The following MROH2B variants were observed in gnomAD, a reference collection of about 807,000 sequenced individuals.
MROH2B encodes the protein maestro heat like repeat family member 2B.
MROH2B carries 177 observed loss-of-function variants against 208.6 expected under a neutral mutation model. The ratio of observed to expected loss-of-function variants is 0.85; its 90% CI spans 0.75 to 0.96. MROH2B has a LOEUF of 0.96. Among genes scored for constraint, MROH2B ranks in the 40% least tolerant of loss-of-function variants. The pLI is 0.00. For synonymous variants in MROH2B, 728 were observed against 659.0 expected, an observed-to-expected ratio of 1.10 and a Z score of -1.60; for missense variants, 2,002 against 1,878.7, an observed-to-expected ratio of 1.07 and a Z score of -1.21.
At chr5:41,012,482 T>C in intron 30 of MROH2B, 101 bp downstream of exon 30, 10 of 1,308,680 alleles carry the variant, frequency 7.6e-6, no homozygotes, top group Non-Finnish European at 1.0e-5. Context: ...GTGCAAGCCT[T>C]TGCATGCTGC....
At chr5:41,012,873 C>A in intron 29 of MROH2B, 138 bp from the exon 30 acceptor site, 1 of 1,067,722 alleles carries the variant, frequency 9.4e-7, no homozygotes, top group Non-Finnish European at 1.3e-6. Context: ...GCCACAGAAA[C>A]TAGAGAAAAT....
intron 3 of MROH2B, among the ~76,000 whole-genome samples, chr5:41,066,215 A>G (rs2150183572): frequency 1.3e-5 from 2 of 152,336 alleles, no homozygotes; most frequent in East Asian, 3.9e-4. Context: ...TATTGGTGGT[A>G]TTGGGAAAGA....
intron 29 of MROH2B, 47 bp from the exon 30 acceptor site, chr5:41,012,782 A>G: frequency 1.2e-6 from 2 of 1,605,286 alleles, no homozygotes; most frequent in South Asian, 2.2e-5. Context: ...ACCCCATTTT[A>G]TATCTAGATA....
At chr5:41,060,262 G>A (rs958016479) in intron 6 of MROH2B, among the ~76,000 whole-genome samples, 1 of 152,034 alleles carries the variant, frequency 6.6e-6, no homozygotes, top group Non-Finnish European at 1.5e-5. Context: ...CTCCTAGCAG[G>A]TAGTCTTATC....
chr5:41,050,423 T>G (rs1293668796), intron 13 of MROH2B, among the ~76,000 whole-genome samples: 1 of 152,178 alleles, frequency 6.6e-6, no homozygotes, highest in East Asian at 1.9e-4. Flanking sequence ...GTAGGTCTGG[T>G]GTGTGACCTG....
In MROH2B at chr5:41,048,413, C is replaced by G; in HGVS notation, c.1595G>C (p.Gly532Ala). 6.2e-7 allele frequency: 1 copy of G among 1,613,570 alleles called. No homozygotes were observed. Among genetic ancestry groups the G allele is most frequent in the Non-Finnish European group, 8.5e-7 (1 of 1,179,696 alleles). ...TATCTCAGGCAGTATCTTCAAAAGC[C>G]CTATTGCACCAGCCCCACGTAACTC... ...LGELRGAGAI[G>A]LLKILPEIIH... The change falls in exon 16 of 42, where the codon GGG becomes GCG. Residue 532 changes from glycine to alanine, a missense_variant. Transcript: ENST00000399564.
rs201138878 is a variant in MROH2B, at chr5:41,032,806, C to A, written c.2377G>T (p.Glu793Ter). 175 of 1,612,030 alleles carry A rather than the reference C, an allele frequency of 1.1e-4. 1 individual carries two copies. The highest frequency in any genetic ancestry group is 1.5e-4 in the Non-Finnish European group (171 of 1,178,940). Residue 793 changes from glutamate (E) to a stop codon, truncating the protein, a stop_gained, in exon 24 of 42, where the codon GAG becomes TAG. Transcript: ENST00000399564. LOFTEE classifies it high-confidence loss of function. ...IGYMLDFIRDEPLDSLASPIR... is the reference protein window; with the variant it reads ...IGYMLDFIRD ...GGGCTAGCTAAGGAATCCAGGGGCT[C>A]GTCTCTAATGAAGTCCTGAAACATA...
At position 41,048,402 on chromosome 5, in the gene MROH2B, T is replaced by A. The variant is rs757894069; in HGVS notation, c.1606A>T (p.Ile536Leu). 9.3e-6 allele frequency: 15 copies of A among 1,613,724 alleles called. No homozygotes were observed. Among genetic ancestry groups the A allele is most frequent in the Non-Finnish European group, 1.3e-5 (15 of 1,179,740 alleles). ...TTTGGGTGAATTATCTCAGGCAGTA[T>A]CTTCAAAAGCCCTATTGCACCAGCC... The part of the protein sequence containing the change: ...RGAGAIGLLK[I>L]LPEIIHPKLV... Residue 536 changes from isoleucine to leucine, a missense_variant, in exon 16 of 42, where the codon ATA (isoleucine) becomes TTA (leucine). Ile to Leu is a conservative substitution (Grantham distance 5). Transcript: ENST00000399564.
At chr5:41,042,245 T>C in intron 18 of MROH2B, 37 bp from the exon 19 acceptor site, 1 of 1,297,616 alleles carries the variant, frequency 7.7e-7, no homozygotes, top group Non-Finnish European at 1.1e-6. Context: ...ATTTTAAGGG[T>C]TGGAAAGCAA....
intron 35 of MROH2B, 106 bp downstream of exon 35, chr5:41,005,425 C>CCCCCCCCCCACCCCCCTCCT (rs58129703): frequency 4.7e-6 from 1 of 213,956 alleles, no homozygotes; most frequent in Non-Finnish European, 9.4e-6. Context: ...CCCCCCCCCC[C>CCCCCCCCCCACCCCCCTCCT]TTGAAGTCTC....
intron 24 of MROH2B, among the ~76,000 whole-genome samples, chr5:41,024,351 A>C (rs1191419357): frequency 6.6e-6 from 1 of 152,218 alleles, no homozygotes; most frequent in Non-Finnish European, 1.5e-5. Flanking sequence ...TATACCAAGC[A>C]AATGGAAAAC....
intron 7 of MROH2B, among the ~76,000 whole-genome samples, chr5:41,057,574 T>TTTTTTTTTTTTTTTTTA (rs1561304757): frequency 2.1e-5 from 3 of 142,728 alleles, no homozygotes; most frequent in African/African-American, 2.6e-5. Context: ...TTTTTTTTTT[T>TTTTTTTTTTTTTTTTTA]GAGACGGAGT....
intron 30 of MROH2B, among the ~76,000 whole-genome samples, chr5:41,010,510 G>A (rs1198429391): frequency 6.6e-6 from 1 of 152,332 alleles, no homozygotes; most frequent in African/African-American, 2.4e-5. Context: ...GGGCCATTTG[G>A]TTTGGGTCTT....
chr5:41,050,102 C>T (rs7726982), intron 13 of MROH2B, among the ~76,000 whole-genome samples: 97,040 of 152,074 alleles, frequency 0.64, 31,045 homozygotes, highest in Admixed American at 0.68. Context: ...ATTGCAATGA[C>T]ATTGCTGTAA....
intron 30 of MROH2B, among the ~76,000 whole-genome samples, chr5:41,010,856 G>A (rs1039575384): frequency 9.2e-5 from 14 of 152,188 alleles, no homozygotes; most frequent in Admixed American, 8.5e-4. Flanking sequence ...TGACAGTCGG[G>A]AGGCTGTGCG....
chr5:41,034,668 T>G (rs1264087673), intron 21 of MROH2B, among the ~76,000 whole-genome samples: 1 of 152,124 alleles, frequency 6.6e-6, no homozygotes, highest in Non-Finnish European at 1.5e-5. Context: ...AGATTCCTAT[T>G]CACTGGCAAA....
intron 3 of MROH2B, among the ~76,000 whole-genome samples, chr5:41,066,197 A>T (rs767833034): frequency 1.3e-5 from 2 of 152,220 alleles, no homozygotes; most frequent in African/African-American, 4.8e-5. Flanking sequence ...CCTAATAATC[A>T]TGTCCAGTAT....
chr5:41,007,260 T>C, intron 34 of MROH2B, 54 bp downstream of exon 34: 1 of 1,371,578 alleles, frequency 7.3e-7, no homozygotes, highest in Non-Finnish European at 9.5e-7. Context: ...TTTTGTTTGT[T>C]TGTTTGTTTT....
intron 39 of MROH2B, 159 bp from the exon 40 acceptor site, chr5:40,999,938 C>A: frequency 1.4e-6 from 1 of 706,124 alleles, no homozygotes; most frequent in African/African-American, 1.8e-5. Context: ...TTTTGATCTA[C>A]ATTTAATCAG....
Sources: allele counts gnomAD v4.1 joint callset (sites outside exome capture counted in the v4.1 genomes callset), GRCh38; gene constraint gnomAD v4.1.1; transcripts MANE v1.5; gene names NCBI Gene and HGNC (gene_info 2026-07-23, HGNC 2026-07-21).